The following PDE1B variants were observed in gnomAD, a reference collection of about 807,000 sequenced individuals.
The protein encoded by PDE1B is phosphodiesterase 1B.
In PDE1B, 13 loss-of-function variants were observed where a neutral mutation model predicts 66.7. The observed-to-expected ratio is 0.19, with a 90% CI of 0.13 to 0.31. The LOEUF is 0.31. PDE1B is among the 10% of genes least tolerant of loss of function. The pLI is 1.00. For synonymous variants in PDE1B, 230 were observed against 253.9 expected (o/e 0.91, Z 0.90); for missense variants, 485 against 682.3 (o/e 0.71, Z 3.22).
intron 2 of PDE1B, 80 bp downstream of exon 2, chr12:54,550,065 G>A: frequency 6.5e-7 from 1 of 1,529,780 alleles, no homozygotes; most frequent in Non-Finnish European, 8.8e-7. Flanking sequence ...ACTGGAGCAG[G>A]GCTGTGGGCT....
intron 3 of PDE1B, 83 bp downstream of exon 3, chr12:54,567,170 A>G: frequency 1.4e-6 from 1 of 694,914 alleles, no homozygotes; most frequent in Non-Finnish European, 2.5e-6. Context: ...AGATAGACAC[A>G]TGTGGCATGG....
Position 54,573,717 on chromosome 12 carries a change from C to A in PDE1B, c.1064+8C>A. 6.2e-7 allele frequency: 1 copy of A among 1,608,910 alleles called. No individual in the cohort carries two copies. Among genetic ancestry groups the A allele is most frequent in the Non-Finnish European group, 8.5e-7 (1 of 1,175,524 alleles). On this transcript the variant is annotated splice_region_variant and intron_variant, in intron 10 of 15. Transcript: ENST00000243052. The surrounding 1 kb of genome is among the most constrained non-coding windows in gnomAD (Gnocchi z 5.2). ...CTTGCAACAGCTGGAGAGGTGGCAT[C>A]TGGTGGGGTGTGGCTGGGGCCAGGC... is the stretch of plus-strand genomic sequence containing the variant.
rs1957636492 is a variant in PDE1B at position 54,572,622 on chromosome 12, A to G, written c.616A>G (p.Ser206Gly). ...GCAGATTCCCACTGTGTTTTTGATGAGTTTCCTGGATGCCTTGGAGACAGG... is the reference window on the plus strand; with the variant it reads ...GCAGATTCCCACTGTGTTTTTGATGGGTTTCCTGGATGCCTTGGAGACAGG... ...RFKIPTVFLM[S>G]FLDALETGYG... The change falls in exon 7 of 16, where the codon AGT becomes GGT. Residue 206 changes from serine (S) to glycine (G), a missense_variant. By Grantham distance (56) the Ser-to-Gly change is moderately conservative (BLOSUM62 0). Transcript: ENST00000243052. 6.2e-7 allele frequency: 1 copy of G among 1,613,846 alleles called. No individual in the cohort carries two copies. The highest frequency in any genetic ancestry group is 8.5e-7 in the Non-Finnish European group (1 of 1,179,880).
At position 54,567,027 on chromosome 12, in the gene PDE1B, T is replaced by A; in HGVS notation, c.167T>A (p.Leu56Gln). Reference protein sequence around the residue: ...LENGEINIEELKKNLEYTASL... With the variant: ...LENGEINIEEQKKNLEYTASL... ...AATGGGGAGATAAACATTGAGGAGC[T>A]GAAGAAAAATCTGGAGTACACAGCT... The change falls in exon 3 of 16, where the codon CTG becomes CAG. Residue 56 changes from leucine to glutamine, a missense_variant. Coordinates refer to ENST00000243052, the MANE Select transcript of PDE1B (RefSeq NM_000924.4). 1 of 1,612,554 alleles carries A rather than the reference T, an allele frequency of 6.2e-7. No individual in the cohort carries two copies. Among genetic ancestry groups the A allele is most frequent in the South Asian group, 1.1e-5 (1 of 90,766 alleles).
chr12:54,573,695 G>A lies in PDE1B; in HGVS notation c.1050G>A (p.Leu350=), dbSNP rs199536319. The change falls in exon 10 of 16, where the codon TTG becomes TTA. Residue 350 remains leucine, a synonymous_variant. Coordinates refer to ENST00000243052, the MANE Select transcript of PDE1B (RefSeq NM_000924.4). The surrounding 1 kb of genome is among the most constrained non-coding windows in gnomAD (Gnocchi z 5.2). ...AAGTGAAGACCATGAAGACAGCCTTGCAACAGCTGGAGAGGTGGCATCTGG... is the reference window on the plus strand; with the variant it reads ...AAGTGAAGACCATGAAGACAGCCTTACAACAGCTGGAGAGGTGGCATCTGG... ...FQQVKTMKTA[L]QQLERIDKPK... The A allele has an allele frequency of 8.1e-6, 13 of 1,613,818 alleles. No homozygotes were observed. Among genetic ancestry groups the A allele is most frequent in the Non-Finnish European group, 1.1e-5 (13 of 1,179,762 alleles).
rs746532882 is a variant in PDE1B, at chr12:54,572,724, C to G, written c.718C>G (p.Leu240Val). The G allele has an allele frequency of 1.9e-5, 30 of 1,614,042 alleles. No homozygotes were observed. In the South Asian group the frequency reaches 3.0e-4, roughly 16 times the overall value. ...DVTQTVHCFL[L>V]RTGMVHCLSE... is the part of the protein sequence containing the mutation. ...TACCCAGACAGTCCATTGCTTCTTG[C>G]TCCGCACAGGGATGGTGGTAGGTGC... Residue 240 changes from leucine (L) to valine (V), a missense_variant, in exon 7 of 16, where the codon CTC becomes GTC. Leu to Val is a conservative substitution (Grantham distance 32, BLOSUM62 1). Coordinates refer to ENST00000243052, the MANE Select transcript of PDE1B (RefSeq NM_000924.4).
chr12:54,567,149 G>A (rs918231594), intron 3 of PDE1B, 62 bp downstream of exon 3: 1 of 852,718 alleles, frequency 1.2e-6, no homozygotes, highest in Non-Finnish European at 1.9e-6. Flanking sequence ...CAGAGAGAGG[G>A]GTTAAGACAA....
In PDE1B at chr12:54,565,888, C is replaced by T. The variant is rs118009632; in HGVS notation, c.114-1086C>T. 8.9e-3 allele frequency among the ~76,000 whole-genome samples: 1,353 copies of T among 152,292 alleles called. 6 individuals carry two copies. Among genetic ancestry groups the T allele is most frequent in the Non-Finnish European group, 0.013 (852 of 68,028 alleles). On this transcript the variant is annotated intron_variant, in intron 2 of 15. Transcript: ENST00000243052. ...TGATGCTAATTTCAGCCTCTGATCC[C>T]TGACTCATTCTCTTCTCCTCCCTGA...
chr12:54,575,492 C>T lies in PDE1B; in HGVS notation c.1186-59C>T, dbSNP rs1210486971. ...ACCCCCACCACTTGCCACCTGTACC[C>T]CAGATCTGGTAGGTCTGAGGTATCC... On this transcript the variant is annotated intron_variant, in intron 11 of 15. Transcript: ENST00000243052. This position sits in a 1 kb window ranked among gnomAD's most constrained non-coding sequence, Gnocchi z 4.0. 2.4e-6 allele frequency: 3 copies of T among 1,230,540 alleles called. No homozygotes were observed. Among genetic ancestry groups the T allele is most frequent in the Non-Finnish European group, 3.6e-6 (3 of 830,938 alleles). 76.2% of individuals were successfully genotyped at this position (1,230,540 alleles called of 1,614,324 possible). A position where few individuals can be genotyped will look rare whatever the true frequency, so the allele number is the denominator to read the frequency against.
chr12:54,555,458 G>A (rs1276891126), intron 2 of PDE1B, among the ~76,000 whole-genome samples: 1 of 152,168 alleles, frequency 6.6e-6, no homozygotes, highest in African/African-American at 2.4e-5. Flanking sequence ...CCAGAGGAAG[G>A]CGAAAGAGGT....
intron 2 of PDE1B, chr12:54,561,300 T>G: frequency 3.2e-6 from 1 of 313,448 alleles, no homozygotes; most frequent in African/African-American, 2.2e-5. Flanking sequence ...CTGTCCTTTC[T>G]GGGCTTCTTC....
intron 2 of PDE1B, among the ~76,000 whole-genome samples, chr12:54,557,359 G>T (rs1957354839): frequency 6.6e-6 from 1 of 152,134 alleles, no homozygotes; most frequent in Non-Finnish European, 1.5e-5. Context: ...GTTAGACTGT[G>T]GCCTTTCTCT....
In PDE1B at chr12:54,577,285, C is replaced by T. The variant is rs267603552; in HGVS notation, c.1568C>T (p.Ser523Phe). Residue 523 changes from serine to phenylalanine, a missense_variant, in exon 15 of 16, where the codon TCC becomes TTC. Transcript: ENST00000243052. ...CCCTGTGAAGAAGAGGCCCCCCCAT[C>T]CCCTGCCGAAGATGAACACAACCAG... is the stretch of plus-strand genomic sequence containing the variant. ...LSPCEEEAPP[S>F]PAEDEHNQNG... 1 of 1,613,984 alleles carries T rather than the reference C, an allele frequency of 6.2e-7. No individual in the cohort carries two copies. Among genetic ancestry groups the T allele is most frequent in the Non-Finnish European group, 8.5e-7 (1 of 1,179,944 alleles).
chr12:54,557,717 T>C (rs1957360113), intron 2 of PDE1B, among the ~76,000 whole-genome samples: 2 of 152,176 alleles, frequency 1.3e-5, no homozygotes, highest in Non-Finnish European at 2.9e-5. Flanking sequence ...TTAGGCCCCA[T>C]GGAAGCAGGG....
intron 2 of PDE1B, among the ~76,000 whole-genome samples, chr12:54,552,158 G>T (rs1330061499): frequency 6.6e-6 from 1 of 152,128 alleles, no homozygotes; most frequent in Non-Finnish European, 1.5e-5. Flanking sequence ...TGAATATTGG[G>T]GAGGCTTTGA....
In PDE1B at chr12:54,575,033, G is replaced by T; in HGVS notation, c.1065-65G>T. 1.4e-6 allele frequency: 2 copies of T among 1,453,008 alleles called. No homozygotes were observed. Among genetic ancestry groups the T allele is most frequent in the South Asian group, 1.2e-5 (1 of 83,720 alleles). 90.0% of individuals were successfully genotyped at this position (1,453,008 alleles called of 1,614,324 possible). On this transcript the variant is annotated intron_variant, in intron 10 of 15. Coordinates refer to ENST00000243052, the MANE Select transcript of PDE1B (RefSeq NM_000924.4). The surrounding 1 kb of genome is among the most constrained non-coding windows in gnomAD (Gnocchi z 4.0). Reference sequence around the variant, plus strand: ...GATAGGGTGTGCGTGGGAAGTTAGGGAATGGTCCTAACTTCCTTTTCCTAA... The same window carrying T: ...GATAGGGTGTGCGTGGGAAGTTAGGTAATGGTCCTAACTTCCTTTTCCTAA...
At chr12:54,563,334 C>T (rs934727222) in intron 2 of PDE1B, among the ~76,000 whole-genome samples, 4 of 152,190 alleles carry the variant, frequency 2.6e-5, no homozygotes. Context: ...TGTTTGGGGA[C>T]ACGGTTAGGT....
At chr12:54,566,423 CTT>C (rs1957517093) in intron 2 of PDE1B, among the ~76,000 whole-genome samples, 1 of 152,184 alleles carries the variant, frequency 6.6e-6, no homozygotes, top group South Asian at 2.1e-4. Context: ...TCAGATTTGT[CTT>C]TGTTCTGTGC....
intron 2 of PDE1B, among the ~76,000 whole-genome samples, chr12:54,562,370 A>C (rs1038672069): frequency 2.6e-5 from 4 of 152,212 alleles, no homozygotes; most frequent in African/African-American, 9.6e-5. Flanking sequence ...AGGCTTTTCC[A>C]ATCGTGCAGG....
Sources: allele counts gnomAD v4.1 joint callset (sites outside exome capture counted in the v4.1 genomes callset), GRCh38; gene constraint gnomAD v4.1.1; non-coding constraint Gnocchi (gnomAD v3.1); transcripts MANE v1.5; gene names NCBI Gene and HGNC (gene_info 2026-07-23, HGNC 2026-07-21).